ADAM18: variants seen among roughly 807,000 people sequenced by gnomAD.
ADAM18 encodes disintegrin and metalloproteinase domain-containing protein 18.
Under a neutral mutation model 94.4 loss-of-function variants are expected in ADAM18, and 117 were observed. The observed-to-expected ratio is 1.24, with a 90% CI of 1.07 to 1.45. The LOEUF is 1.45. Ranked by LOEUF, ADAM18 falls within the 40% of genes most tolerant of loss-of-function variation. The pLI is 0.00. For synonymous variants in ADAM18, 327 were observed against 291.6 expected (o/e 1.12, Z -1.24); for missense variants, 936 against 880.0 (o/e 1.06, Z -0.81).
At chr8:39,612,928 A>C (rs1819320153) in intron 6 of ADAM18, among the ~76,000 whole-genome samples, 1 of 151,476 alleles carries the variant, frequency 6.6e-6, no homozygotes, top group South Asian at 2.1e-4. Context: ...CTCCCCCATT[A>C]TTTTTCTGGT....
In ADAM18 at chr8:39,585,302, A is replaced by C. The variant is rs768399283; in HGVS notation, c.82A>C (p.Thr28Pro). Residue 28 changes from threonine (T) to proline (P), a missense_variant, in exon 2 of 20, where the codon ACA (threonine) becomes CCA (proline). Transcript: ENST00000265707. ...TTCTGAAGGAATATTTCTGCATGTC[A>C]CAGTTCCACGGAAGATTAAGTCAAA... ...EGSEGIFLHV[T>P]VPRKIKSNDS... The C allele has an allele frequency of 2.3e-5, 37 of 1,613,412 alleles. No homozygotes were observed. Among genetic ancestry groups the C allele is most frequent in the Non-Finnish European group, 3.1e-5 (37 of 1,179,770 alleles).
At chr8:39,683,617 A>G (rs1821527996) in intron 16 of ADAM18, among the ~76,000 whole-genome samples, 2 of 152,150 alleles carry the variant, frequency 1.3e-5, no homozygotes, top group African/African-American at 4.8e-5. Flanking sequence ...ACTCATTTTT[A>G]TATGTGCATA....
In ADAM18 at chr8:39,637,815, A is replaced by T. The variant is rs1441902193; in HGVS notation, c.827+112A>T. The T allele has an allele frequency of 4.3e-6, 4 of 931,580 alleles. No individual in the cohort carries two copies. In the Admixed American group the frequency reaches 1.1e-4, roughly 25 times the overall value. The allele number at this position is 931,580 out of a possible 1,614,324, so 57.7% of individuals were successfully genotyped here. A position where few individuals can be genotyped will look rare whatever the true frequency, so the allele number is the denominator to read the frequency against. On this transcript the variant is annotated intron_variant, in intron 9 of 19. Coordinates refer to ENST00000265707, the MANE Select transcript of ADAM18 (RefSeq NM_014237.3). ...TTTGTAAGCCCCTTTGGAAGTGTTT[A>T]AAAATTAGTAGCCTTTGTCATAGAG... is the stretch of plus-strand genomic sequence containing the variant.
chr8:39,646,415 T>C (rs548704791), intron 11 of ADAM18, among the ~76,000 whole-genome samples: 102 of 152,274 alleles, frequency 6.7e-4, no homozygotes, highest in African/African-American at 2.4e-3. Flanking sequence ...TGAAATTAAT[T>C]GTGGTAATAT....
chr8:39,592,628 G>A (rs1274598336), intron 2 of ADAM18, among the ~76,000 whole-genome samples: 2 of 152,096 alleles, frequency 1.3e-5, no homozygotes, highest in African/African-American at 2.4e-5. Flanking sequence ...TTATAAGTGG[G>A]AGCTAAATAA....
At chr8:39,698,304 A>G (rs1563311369) in intron 17 of ADAM18, among the ~76,000 whole-genome samples, 2 of 151,766 alleles carry the variant, frequency 1.3e-5, no homozygotes, top group Non-Finnish European at 2.9e-5. Context: ...GGGAAATTTC[A>G]TCTTCTCTAT....
chr8:39,729,158 G>A (rs1246551542), intron 19 of ADAM18, among the ~76,000 whole-genome samples: 1 of 152,110 alleles, frequency 6.6e-6, no homozygotes, highest in African/African-American at 2.4e-5. Context: ...GTGGGCCACA[G>A]AGGATGGGAA....
Position 39,629,379 on chromosome 8 carries a change from A to G in ADAM18, c.528A>G (p.Lys176=). The G allele has an allele frequency of 6.4e-7, 1 of 1,568,958 alleles. No homozygotes were observed. The highest frequency in any genetic ancestry group is 1.2e-5 in the South Asian group (1 of 85,248). ...CCGTTGTTGTTGTTTTCCAGATAAA[A>G]AATCTTTCAAAACTATTACCCCAAT... ...PYKVPLNSQI[K]NLSKLLPQYL... Residue 176 remains lysine (K), a synonymous_variant, in exon 7 of 20, where the codon AAA becomes AAG. Coordinates refer to ENST00000265707, the MANE Select transcript of ADAM18 (RefSeq NM_014237.3).
intron 12 of ADAM18, among the ~76,000 whole-genome samples, chr8:39,652,429 G>A (rs901480186): frequency 6.6e-6 from 1 of 152,010 alleles, no homozygotes; most frequent in Non-Finnish European, 1.5e-5. Context: ...ATGGACAACA[G>A]GTATATGAAA....
At chr8:39,696,481 C>T (rs1821932082) in intron 17 of ADAM18, among the ~76,000 whole-genome samples, 1 of 151,402 alleles carries the variant, frequency 6.6e-6, no homozygotes, top group Non-Finnish European at 1.5e-5. Context: ...TTATGTTTAT[C>T]TCTAAGAGCT....
rs71237188 is a variant in ADAM18, at chr8:39,701,117, CAAAA to C, written c.1903-5644_1903-5641del. 9.5e-4 allele frequency among the ~76,000 whole-genome samples: 33 copies of C among 34,556 alleles called. No individual in the cohort carries two copies. The South Asian group carries it at 0.045, about 48-fold the overall frequency. The allele number at this position is 34,556 out of a possible 152,430, so 22.7% of individuals were successfully genotyped here. Reference sequence around the variant, plus strand: ...TGGGCGACAGAGCAAGACTCTGTCTCAAAAAAAAAAAAAAAAAAAAAAAAAAAAA... The same window carrying C: ...TGGGCGACAGAGCAAGACTCTGTCTCAAAAAAAAAAAAAAAAAAAAAAAAA... On this transcript the variant is annotated intron_variant, in intron 17 of 19. Coordinates refer to ENST00000265707, the MANE Select transcript of ADAM18 (RefSeq NM_014237.3).
intron 15 of ADAM18, among the ~76,000 whole-genome samples, chr8:39,678,982 A>C (rs2129580507): frequency 6.6e-6 from 1 of 152,342 alleles, no homozygotes; most frequent in Admixed American, 6.5e-5. Context: ...AAGGATACAT[A>C]CATACCATGC....
In ADAM18 at chr8:39,645,460, G is replaced by A. The variant is rs267601918; in HGVS notation, c.1032G>A (p.Met344Ile). 1 of 1,610,620 alleles carries A rather than the reference G, an allele frequency of 6.2e-7. No individual in the cohort carries two copies. The highest frequency in any genetic ancestry group is 1.1e-5 in the South Asian group (1 of 90,292). ...QCFCLRATCI[M>I]NHEAVSASGR... ...TCTGTCTGAGAGCTACATGCATCAT[G>A]AATCATGAAGCAGTGTAAGATGTTT... The change falls in exon 11 of 20, where the codon ATG (methionine) becomes ATA (isoleucine). Residue 344 changes from methionine to isoleucine, a missense_variant. Physicochemically the swap from Met to Ile is conservative, Grantham distance 10. Coordinates refer to ENST00000265707, the MANE Select transcript of ADAM18 (RefSeq NM_014237.3).
At chr8:39,676,586 C>T (rs1821307793) in intron 14 of ADAM18, among the ~76,000 whole-genome samples, 2 of 91,194 alleles carry the variant, frequency 2.2e-5, no homozygotes, top group South Asian at 4.8e-4. Context: ...AATCCCTCGA[C>T]TCCTTGCTCT....
At chr8:39,713,681 C>T (rs1822485513) in intron 18 of ADAM18, among the ~76,000 whole-genome samples, 1 of 152,114 alleles carries the variant, frequency 6.6e-6, no homozygotes, top group Admixed American at 6.5e-5. Context: ...CCAAAAAACA[C>T]ATGAAAAAAT....
chr8:39,636,713 A>C (rs1336904986), intron 7 of ADAM18, among the ~76,000 whole-genome samples: 2 of 151,906 alleles, frequency 1.3e-5, no homozygotes, highest in African/African-American at 2.4e-5. Context: ...CGCTTTGTAC[A>C]TTAGGTCTCT....
chr8:39,645,756 G>A (rs1158715147), intron 11 of ADAM18, among the ~76,000 whole-genome samples: 1 of 151,970 alleles, frequency 6.6e-6, no homozygotes, highest in African/African-American at 2.4e-5. Flanking sequence ...TAGTTGCTTT[G>A]TAACCATCTT....
intron 14 of ADAM18, among the ~76,000 whole-genome samples, chr8:39,676,230 G>A (rs982214070): frequency 2.6e-5 from 4 of 152,208 alleles, no homozygotes; most frequent in African/African-American, 9.6e-5. Flanking sequence ...GCTGTCTTTT[G>A]TTCAGCTATG....
At chr8:39,638,634 A>T in intron 10 of ADAM18, 88 bp downstream of exon 10, 2 of 693,768 alleles carry the variant, frequency 2.9e-6, no homozygotes. Context: ...TAAATAGTGT[A>T]AAACCATTTG....
Sources: gnomAD v4.1 joint callset for allele counts (sites outside exome capture counted in the v4.1 genomes callset) on GRCh38, gnomAD v4.1.1 for gene constraint, MANE v1.5 for transcripts, NCBI Gene and HGNC (gene_info 2026-07-23, HGNC 2026-07-21) for gene names.